SUPT3H: variants seen among roughly 807,000 people sequenced by gnomAD.
SUPT3H encodes transcription initiation protein SPT3 homolog.
A neutral mutation model predicts 44.3 loss-of-function variants in SUPT3H; 44 were observed. The ratio of observed to expected loss-of-function variants is 0.99; its 90% CI spans 0.78 to 1.28. The LOEUF is 1.28. Ranked by LOEUF, SUPT3H falls within the 50% of genes most tolerant of loss-of-function variation. SUPT3H has a pLI of 0.00. For missense variants in SUPT3H, 380 were observed against 387.1 expected (o/e 0.98, Z 0.15); for synonymous variants, 124 against 125.6 (o/e 0.99, Z 0.09).
intron 2 of SUPT3H, among the ~76,000 whole-genome samples, chr6:45,187,101 T>TAAA (rs70996308): frequency 0.013 from 1,008 of 79,834 alleles, 25 homozygotes; most frequent in Non-Finnish European, 0.017. Context: ...TTTTCGCCTT[T>TAAA]AAAAAAAAAA....
chr6:44,976,406 G>T (rs1386003029), intron 6 of SUPT3H, among the ~76,000 whole-genome samples: 1 of 151,554 alleles, frequency 6.6e-6, no homozygotes, highest in Non-Finnish European at 1.5e-5. Context: ...CTGTTGCCCA[G>T]GCTGGAGTGC....
intron 3 of SUPT3H, among the ~76,000 whole-genome samples, chr6:45,079,620 G>C (rs1795516038): frequency 6.6e-6 from 1 of 152,158 alleles, no homozygotes; most frequent in African/African-American, 2.4e-5. Context: ...CAGTGGAACA[G>C]AAAAGAGAAC....
intron 2 of SUPT3H, among the ~76,000 whole-genome samples, chr6:45,274,817 G>A (rs1776746962): frequency 1.3e-5 from 2 of 152,166 alleles, no homozygotes; most frequent in Admixed American, 6.6e-5. Context: ...CCAGGAGGTC[G>A]AGACTGCAGT....
At chr6:45,158,282 A>G (rs1239022382) in intron 2 of SUPT3H, among the ~76,000 whole-genome samples, 1 of 37,402 alleles carries the variant, frequency 2.7e-5, no homozygotes, top group East Asian at 5.5e-4. Flanking sequence ...ATACATATAT[A>G]TATATATATA....
intron 4 of SUPT3H, among the ~76,000 whole-genome samples, chr6:45,015,877 G>A (rs1784184627): frequency 2.0e-5 from 3 of 151,766 alleles, no homozygotes; most frequent in Admixed American, 6.6e-5. Flanking sequence ...TCCACATCCT[G>A]TCCCACTGGA....
At chr6:44,901,796 G>A (rs1225508370) in intron 10 of SUPT3H, among the ~76,000 whole-genome samples, 3 of 151,722 alleles carry the variant, frequency 2.0e-5, no homozygotes, top group African/African-American at 7.3e-5. Flanking sequence ...ACCCACAAAG[G>A]GAAGCCCATC....
At chr6:45,223,602 T>G (rs910436156) in intron 2 of SUPT3H, among the ~76,000 whole-genome samples, 10 of 152,074 alleles carry the variant, frequency 6.6e-5, no homozygotes, top group African/African-American at 2.2e-4. Flanking sequence ...AATTTTTTCT[T>G]AATCTGATAT....
rs1353179604 is a variant in SUPT3H, at chr6:44,979,535, G to C, written c.505-17707C>G. On this transcript the variant is annotated intron_variant, in intron 6 of 10. Transcript: ENST00000371459. ...AATTATCTGTGAAAGAATGAACAAA[G>C]TGTGTGTGGGGGGGGGAAATCAATG... Among the ~76,000 whole-genome samples the C allele has an allele frequency of 2.6e-5, 4 of 152,078 alleles. No individual in the cohort carries two copies. The South Asian group carries it at 8.3e-4, about 32-fold the overall frequency.
At chr6:44,923,781 A>AT (rs1769098204) in intron 10 of SUPT3H, among the ~76,000 whole-genome samples, 1 of 152,074 alleles carries the variant, frequency 6.6e-6, no homozygotes. Flanking sequence ...TTTAAATGAG[A>AT]TAAGATCTCT....
chr6:44,899,541 G>A (rs1424022243), intron 10 of SUPT3H, among the ~76,000 whole-genome samples: 1 of 152,104 alleles, frequency 6.6e-6, no homozygotes, highest in Admixed American at 6.6e-5. Flanking sequence ...CAAAAAATTA[G>A]CCAGGTGTGG....
At chr6:45,364,662 T>C (rs984590001) in intron 2 of SUPT3H, among the ~76,000 whole-genome samples, 6 of 152,214 alleles carry the variant, frequency 3.9e-5, no homozygotes, top group Non-Finnish European at 8.8e-5. Context: ...GAAATCTTAA[T>C]GACTCTGCAA....
At chr6:45,111,821 T>C (rs1800116289) in intron 2 of SUPT3H, among the ~76,000 whole-genome samples, 1 of 151,712 alleles carries the variant, frequency 6.6e-6, no homozygotes, top group East Asian at 1.9e-4. Flanking sequence ...GGGAAAGAAA[T>C]AGCACCAAAC....
At chr6:45,163,599 T>C (rs1468773720) in intron 2 of SUPT3H, among the ~76,000 whole-genome samples, 1 of 152,198 alleles carries the variant, frequency 6.6e-6, no homozygotes, top group African/African-American at 2.4e-5. Context: ...TCAATTAAAA[T>C]GACTGTCAGT....
chr6:45,320,320 G>C (rs1785287038), intron 2 of SUPT3H, among the ~76,000 whole-genome samples: 1 of 152,050 alleles, frequency 6.6e-6, no homozygotes, highest in Non-Finnish European at 1.5e-5. Flanking sequence ...CTGTAGTGCA[G>C]TGGCAAGTAC....
At chr6:45,065,582 A>G (rs1269141790) in intron 3 of SUPT3H, among the ~76,000 whole-genome samples, 2 of 151,722 alleles carry the variant, frequency 1.3e-5, no homozygotes, top group African/African-American at 4.9e-5. Context: ...TAAAGAAAAA[A>G]AGAGACAAGA....
At chr6:45,211,643 G>C (rs1278747475) in intron 2 of SUPT3H, among the ~76,000 whole-genome samples, 1 of 152,050 alleles carries the variant, frequency 6.6e-6, no homozygotes, top group Non-Finnish European at 1.5e-5. Flanking sequence ...AAGGTAAAGA[G>C]ATCGAGACCA....
intron 9 of SUPT3H, among the ~76,000 whole-genome samples, chr6:44,949,611 CAA>C (rs34872121): frequency 2.1e-5 from 3 of 140,226 alleles, no homozygotes; most frequent in Admixed American, 7.0e-5. Context: ...CCTTTGCCTG[CAA>C]AAAAAAAAAA....
At chr6:45,061,080 G>A (rs1179270770) in intron 3 of SUPT3H, among the ~76,000 whole-genome samples, 1 of 152,060 alleles carries the variant, frequency 6.6e-6, no homozygotes, top group East Asian at 1.9e-4. Context: ...ATTTGACCCA[G>A]CAATGCCATT....
At chr6:45,130,490 G>A (rs1343013013) in intron 2 of SUPT3H, among the ~76,000 whole-genome samples, 2 of 151,818 alleles carry the variant, frequency 1.3e-5, no homozygotes, top group Non-Finnish European at 2.9e-5. Flanking sequence ...ATGAACATTT[G>A]TATACGAGTT....
Sources: allele counts gnomAD v4.1 joint callset (sites outside exome capture counted in the v4.1 genomes callset), GRCh38; gene constraint gnomAD v4.1.1; transcripts MANE v1.5; gene names NCBI Gene and HGNC (gene_info 2026-07-23, HGNC 2026-07-21).